NLGN4Y: variants seen among roughly 807,000 people sequenced by gnomAD.
NLGN4Y encodes neuroligin-4, Y-linked.
Under a neutral mutation model 8.4 loss-of-function variants are expected in NLGN4Y, and 4 were observed. The ratio of observed to expected loss-of-function variants is 0.48; its 90% CI spans 0.23 to 1.09. NLGN4Y has a LOEUF of 1.09. NLGN4Y is among the 50% of genes least tolerant of loss of function. The probability of loss-of-function intolerance (pLI) is 0.19; values close to 1 mark genes in which losing one functional copy is unlikely to be tolerated. For missense variants in NLGN4Y, 90 were observed against 192.3 expected (o/e 0.47, Z 3.15); for synonymous variants, 35 against 75.6 (o/e 0.46, Z 2.78).
intron 1 of NLGN4Y, among the ~76,000 whole-genome samples, chrY:14,593,529 C>T (rs935129359): frequency 3.6e-4 from 12 of 33,447 alleles, no homozygotes; most frequent in Non-Finnish European, 8.2e-4. Context: ...CTTCTGTCAC[C>T]AACCACCCTG....
chrY:14,595,431 A>G, intron 1 of NLGN4Y, among the ~76,000 whole-genome samples: 1 of 32,887 alleles, frequency 3.0e-5, no homozygotes, highest in Non-Finnish European at 7.5e-5. Context: ...TTCTCCCTCA[A>G]TGAAAAGAAA....
intron 4 of NLGN4Y, among the ~76,000 whole-genome samples, chrY:14,786,354 G>T: frequency 3.0e-5 from 1 of 33,693 alleles, no homozygotes; most frequent in African/African-American, 1.2e-4. Context: ...GGAATATTCT[G>T]CCTGTGTGCT....
intron 4 of NLGN4Y, among the ~76,000 whole-genome samples, chrY:14,817,299 C>T: frequency 6.0e-5 from 2 of 33,445 alleles, no homozygotes; most frequent in African/African-American, 2.3e-4. Context: ...AGTATTTGCC[C>T]TCTGGGTGTC....
intron 1 of NLGN4Y, among the ~76,000 whole-genome samples, chrY:14,590,088 C>T: frequency 2.9e-5 from 1 of 34,419 alleles, no homozygotes; most frequent in African/African-American, 1.1e-4. Context: ...GTGCGGGGCC[C>T]GCCAAGCCCA....
chrY:14,567,982 T>A (rs2150478926), intron 1 of NLGN4Y, among the ~76,000 whole-genome samples: 12 of 32,874 alleles, frequency 3.7e-4, no homozygotes, highest in East Asian at 3.2e-3. Flanking sequence ...TTTTTTTTTT[T>A]AAATTATACT....
chrY:14,804,913 G>A (rs2150585244), intron 4 of NLGN4Y, among the ~76,000 whole-genome samples: 1 of 33,678 alleles, frequency 3.0e-5, no homozygotes, highest in African/African-American at 1.2e-4. Context: ...TTTGGGTGAT[G>A]AGGATTGGCT....
chrY:14,524,527 G>A (rs755206048), upstream of NLGN4Y: 1,394 of 119,179 alleles, frequency 0.012, no homozygotes, highest in Middle Eastern at 0.035. Flanking sequence ...TCAGCCAAGA[G>A]CACAGTCGGA....
chrY:14,525,697 G>T (rs1603498836), intron 1 of NLGN4Y, among the ~76,000 whole-genome samples: 1 of 30,388 alleles, frequency 3.3e-5, no homozygotes, highest in East Asian at 8.1e-4. Flanking sequence ...GTGGGGAGTG[G>T]GGGATGTTTT....
chrY:14,718,165 C>G, intron 2 of NLGN4Y, among the ~76,000 whole-genome samples: 1 of 33,990 alleles, frequency 2.9e-5, no homozygotes, highest in Non-Finnish European at 7.3e-5. Context: ...GTCACTCCCA[C>G]GCACTCAGCC....
intron 1 of NLGN4Y, among the ~76,000 whole-genome samples, chrY:14,616,027 A>C (rs2080487495): frequency 2.9e-5 from 1 of 33,914 alleles, no homozygotes; most frequent in Non-Finnish European, 7.3e-5. Flanking sequence ...GAATTGTACC[A>C]GCTTCTCTTT....
intron 4 of NLGN4Y, among the ~76,000 whole-genome samples, chrY:14,803,454 T>C (rs1013956719): frequency 3.2e-5 from 1 of 31,498 alleles, no homozygotes; most frequent in Non-Finnish European, 7.6e-5. Context: ...AAAGGCAATA[T>C]AAACACAACT....
intron 4 of NLGN4Y, among the ~76,000 whole-genome samples, chrY:14,820,767 G>A: frequency 1.2e-4 from 4 of 33,223 alleles, no homozygotes; most frequent in African/African-American, 4.7e-4. Context: ...CAAGGGTCAC[G>A]ATAGATAGGA....
intron 4 of NLGN4Y, among the ~76,000 whole-genome samples, chrY:14,758,445 G>C (rs1603503642): frequency 3.0e-5 from 1 of 33,505 alleles, no homozygotes; most frequent in Non-Finnish European, 7.4e-5. Flanking sequence ...AAATGTTAGA[G>C]GTGAGTATAT....
intron 2 of NLGN4Y, among the ~76,000 whole-genome samples, chrY:14,647,420 G>A: frequency 2.9e-5 from 1 of 33,969 alleles, no homozygotes; most frequent in East Asian, 7.7e-4. Flanking sequence ...TGCTTTCTAA[G>A]TTAGGCTGCA....
chrY:14,636,884 A>T, intron 2 of NLGN4Y, among the ~76,000 whole-genome samples: 1 of 33,673 alleles, frequency 3.0e-5, no homozygotes, highest in Admixed American at 2.8e-4. Flanking sequence ...GAATTTAATT[A>T]TGATTTTACA....
At chrY:14,573,830 A>G (rs2080285298) in intron 1 of NLGN4Y, among the ~76,000 whole-genome samples, 2 of 33,375 alleles carry the variant, frequency 6.0e-5, no homozygotes, top group Non-Finnish European at 1.5e-4. Context: ...GAACATCTTT[A>G]TTTCTGCCTT....
intron 1 of NLGN4Y, among the ~76,000 whole-genome samples, chrY:14,577,320 G>T (rs768130144): frequency 3.0e-5 from 1 of 33,851 alleles, no homozygotes; most frequent in African/African-American, 1.2e-4. Flanking sequence ...ATAAAAAAAT[G>T]GGAATTCTAT....
intron 4 of NLGN4Y, among the ~76,000 whole-genome samples, chrY:14,784,495 C>T: frequency 6.1e-5 from 2 of 32,581 alleles, no homozygotes; most frequent in East Asian, 1.6e-3. Flanking sequence ...CCCGTCTCTA[C>T]TAAAAATACA....
At chrY:14,575,358 C>G (rs2080293957) in intron 1 of NLGN4Y, among the ~76,000 whole-genome samples, 2 of 33,560 alleles carry the variant, frequency 6.0e-5, no homozygotes, top group South Asian at 1.4e-3. Flanking sequence ...ATCACTGATA[C>G]CCCTTCTTCC....
Sources: gnomAD v4.1 joint callset for allele counts (sites outside exome capture counted in the v4.1 genomes callset) on GRCh38, gnomAD v4.1.1 for gene constraint, MANE v1.5 for transcripts, NCBI Gene and HGNC (gene_info 2026-07-23, HGNC 2026-07-21) for gene names.